UGT1A4: variants seen among roughly 807,000 people sequenced by gnomAD.
UGT1A4 encodes the protein UDP-glucuronosyltransferase 1A4.
A neutral mutation model predicts 41.1 loss-of-function variants in UGT1A4; 32 were observed. That is an observed-to-expected ratio of 0.78 (90% CI 0.59 to 1.05). The LOEUF (loss-of-function observed/expected upper bound fraction) is 1.05. Among genes scored for constraint, UGT1A4 ranks in the 50% least tolerant of loss-of-function variants. UGT1A4 has a pLI of 0.00. For synonymous variants in UGT1A4, 283 were observed against 265.1 expected, an observed-to-expected ratio of 1.07 and a Z score of -0.66; for missense variants, 748 against 677.4, an observed-to-expected ratio of 1.10 and a Z score of -1.16.
chr2:233,769,597 C>T lies in UGT1A4; in HGVS notation c.1307+1158C>T, dbSNP rs772266725. 4 of 1,612,818 alleles carry T rather than the reference C, an allele frequency of 2.5e-6. No individual in the cohort carries two copies. Among genetic ancestry groups the T allele is most frequent in the Non-Finnish European group, 3.4e-6 (4 of 1,179,876 alleles). On this transcript the variant is annotated intron_variant, in intron 4 of 4. Transcript: ENST00000373409. The surrounding 1 kb of genome is among the most constrained non-coding windows in gnomAD (Gnocchi z 4.4). ...CATGTTCAGATGAGAGGAGACGGAACACGGGGACACACCAGCTTGAGCAAG... is the reference window on the plus strand; with the variant it reads ...CATGTTCAGATGAGAGGAGACGGAATACGGGGACACACCAGCTTGAGCAAG...
intron 1 of UGT1A4, chr2:233,748,136 T>A: frequency 6.2e-7 from 1 of 1,609,324 alleles, no homozygotes; most frequent in Non-Finnish European, 8.5e-7. Context: ...TTTTAAAAAT[T>A]GTATTTACTT....
At chr2:233,768,015 A>T in intron 3 of UGT1A4, 79 bp downstream of exon 3, 4 of 1,613,904 alleles carry the variant, frequency 2.5e-6, no homozygotes, top group Non-Finnish European at 3.4e-6. Context: ...ATTCTAAAGG[A>T]TTGTTGAGCT....
chr2:233,727,313 C>G (rs2077603971), intron 1 of UGT1A4, among the ~76,000 whole-genome samples: 1 of 152,152 alleles, frequency 6.6e-6, no homozygotes, highest in African/African-American at 2.4e-5. Context: ...CCTTCTGTTT[C>G]CCAGGCACCA....
At chr2:233,767,478 T>C (rs1699401505) in intron 2 of UGT1A4, among the ~76,000 whole-genome samples, 1 of 152,246 alleles carries the variant, frequency 6.6e-6, no homozygotes, top group Admixed American at 6.5e-5. Flanking sequence ...TCATATTAAA[T>C]AGAAGTATTT....
At position 233,769,359 on chromosome 2, in the gene UGT1A4, C is replaced by T. The variant is rs1218131588; in HGVS notation, c.1307+920C>T. 6.6e-6 allele frequency among the ~76,000 whole-genome samples: 1 copy of T among 152,174 alleles called. No individual in the cohort carries two copies. Among genetic ancestry groups the T allele is most frequent in the Non-Finnish European group, 1.5e-5 (1 of 68,040 alleles). On this transcript the variant is annotated intron_variant, in intron 4 of 4. Transcript: ENST00000373409. The surrounding 1 kb of genome is among the most constrained non-coding windows in gnomAD (Gnocchi z 4.4). ...AGAACCTTATGGGAAGAAGTGGTGG[C>T]CAGTGGTAGATTTCATCCGACAATA...
chr2:233,729,326 T>C (rs370995578), intron 1 of UGT1A4: 82 of 1,614,128 alleles, frequency 5.1e-5, no homozygotes, highest in Non-Finnish European at 6.7e-5. Flanking sequence ...GAGGTGAATA[T>C]GCACATCAAA....
chr2:233,756,393 A>G (rs1203467562), intron 1 of UGT1A4: 1 of 152,036 alleles, frequency 6.6e-6, no homozygotes, highest in Non-Finnish European at 1.5e-5. Flanking sequence ...GTTTTACAGT[A>G]TTGGTTTTTT....
chr2:233,729,524 A>G, intron 1 of UGT1A4: 1 of 1,614,234 alleles, frequency 6.2e-7, no homozygotes, highest in South Asian at 1.1e-5. Flanking sequence ...GAGCTACTAC[A>G]TAATGAGGCC....
intron 1 of UGT1A4, among the ~76,000 whole-genome samples, chr2:233,723,485 C>T (rs1440539841): frequency 7.3e-6 from 1 of 137,690 alleles, no homozygotes; most frequent in Non-Finnish European, 1.5e-5. Flanking sequence ...GCTAGGATTC[C>T]AGGTGTGAGC....
intron 1 of UGT1A4, among the ~76,000 whole-genome samples, chr2:233,750,311 G>A (rs1694421303): frequency 6.6e-6 from 1 of 151,966 alleles, no homozygotes; most frequent in Admixed American, 6.5e-5. Flanking sequence ...CTAGAGATCT[G>A]TGGAACTTTG....
At chr2:233,747,501 A>G in intron 1 of UGT1A4, 1 of 1,608,354 alleles carries the variant, frequency 6.2e-7, no homozygotes, top group East Asian at 2.2e-5. Context: ...GCTGGGCCAC[A>G]CTCAACTGTA....
At chr2:233,772,175 T>G in intron 4 of UGT1A4, 87 bp from the exon 5 acceptor site, 1 of 1,580,518 alleles carries the variant, frequency 6.3e-7, no homozygotes, top group Non-Finnish European at 8.6e-7. Context: ...GAAAATCTGG[T>G]AGTCTTCTTA....
chr2:233,769,450 T>C lies in UGT1A4; in HGVS notation c.1307+1011T>C, dbSNP rs1280911013. 7 of 1,587,838 alleles carry C rather than the reference T, an allele frequency of 4.4e-6. No individual in the cohort carries two copies. The East Asian group carries it at 1.6e-4, about 36-fold the overall frequency. On this transcript the variant is annotated intron_variant, in intron 4 of 4. Transcript: ENST00000373409. The surrounding 1 kb of genome is among the most constrained non-coding windows in gnomAD (Gnocchi z 4.4). ...CTGTGCTCATGTGTGGGTGCACACG[T>C]GTGCATTCATATGCGTGTGTGTGTG...
intron 1 of UGT1A4, chr2:233,753,700 T>A (rs1032888616): frequency 6.6e-6 from 1 of 152,228 alleles, no homozygotes; most frequent in African/African-American, 2.4e-5. Context: ...CAGATGCACT[T>A]GGCTTTCATC....
intron 1 of UGT1A4, among the ~76,000 whole-genome samples, chr2:233,720,116 C>G (rs1194928036): frequency 6.6e-6 from 1 of 152,088 alleles, no homozygotes; most frequent in African/African-American, 2.4e-5. Flanking sequence ...GCGAAAGATA[C>G]AGAGGTGACC....
chr2:233,747,509 G>A (rs1693700205), intron 1 of UGT1A4: 24 of 1,607,862 alleles, frequency 1.5e-5, no homozygotes, highest in Non-Finnish European at 1.9e-5. Flanking sequence ...ACACTCAACT[G>A]TACTTTGAAA....
intron 1 of UGT1A4, among the ~76,000 whole-genome samples, chr2:233,735,103 C>T (rs4467260): frequency 0.55 from 84,293 of 151,900 alleles, 25,602 homozygotes; most frequent in African/African-American, 0.82. Context: ...TGTCTAATAT[C>T]GACAGTGGGA....
chr2:233,760,312 C>G (rs370790922), intron 1 of UGT1A4: 1 of 1,613,816 alleles, frequency 6.2e-7, no homozygotes, highest in East Asian at 2.2e-5. Context: ...CCAGGGCGGA[C>G]GCCCACTTGT....
At chr2:233,748,947 C>G (rs900612588) in intron 1 of UGT1A4, among the ~76,000 whole-genome samples, 1 of 151,662 alleles carries the variant, frequency 6.6e-6, no homozygotes, top group Non-Finnish European at 1.5e-5. Context: ...CCCACCCTAT[C>G]CCACTCCAAG....
Sources: gnomAD v4.1 joint callset for allele counts (sites outside exome capture counted in the v4.1 genomes callset) on GRCh38, gnomAD v4.1.1 for gene constraint, Gnocchi (gnomAD v3.1) non-coding constraint, MANE v1.5 for transcripts, NCBI Gene and HGNC (gene_info 2026-07-23, HGNC 2026-07-21) for gene names.